Variants in CLVS1 observed in about 807,000 individuals in gnomAD.
CLVS1 encodes the protein clavesin 1.
A neutral mutation model predicts 33.1 loss-of-function variants in CLVS1; 10 were observed. That is an observed-to-expected ratio of 0.30 (90% CI 0.19 to 0.51). The LOEUF (loss-of-function observed/expected upper bound fraction) is 0.51. CLVS1 is among the 20% of genes least tolerant of loss of function. The pLI is 0.97. For synonymous variants in CLVS1, 163 were observed against 166.1 expected (o/e 0.98, Z 0.14); for missense variants, 343 against 433.4 (o/e 0.79, Z 1.85).
chr8:61,052,236 C>T (rs958496167), upstream of CLVS1, among the ~76,000 whole-genome samples: 6 of 152,130 alleles, frequency 3.9e-5, no homozygotes, highest in Admixed American at 3.3e-4. Flanking sequence ...CCTGTGGCAC[C>T]CAGTGCTGGG....
chr8:60,974,627 G>A, the CLVS1 span, among the ~76,000 whole-genome samples: 1 of 152,102 alleles, frequency 6.6e-6, no homozygotes, highest in Non-Finnish European at 1.5e-5. Flanking sequence ...GTCAGCTTAA[G>A]TGTCATTGGC....
chr8:61,141,320 AG>A (rs1806304706), intron 2 of CLVS1, among the ~76,000 whole-genome samples: 2 of 152,070 alleles, frequency 1.3e-5, no homozygotes, highest in Non-Finnish European at 2.9e-5. Flanking sequence ...TTATAACCTC[AG>A]TTGTATACAA....
intron 2 of CLVS1, among the ~76,000 whole-genome samples, chr8:61,197,758 G>C (rs1354067205): frequency 1.3e-5 from 2 of 152,188 alleles, no homozygotes; most frequent in Non-Finnish European, 2.9e-5. Context: ...GACCTCAAGT[G>C]ATCCACCTAC....
intron 3 of CLVS1, among the ~76,000 whole-genome samples, chr8:61,383,917 C>T (rs796970727): frequency 1.8e-4 from 28 of 152,312 alleles, no homozygotes; most frequent in African/African-American, 6.7e-4. Context: ...TCAGGAAGGT[C>T]ATAGTTCAAA....
chr8:60,974,049 T>C, the CLVS1 span, among the ~76,000 whole-genome samples: 1 of 152,268 alleles, frequency 6.6e-6, no homozygotes, highest in African/African-American at 2.4e-5. Flanking sequence ...ATTGTGTTGG[T>C]TCCTGTTCTC....
At chr8:61,275,662 C>T (rs1809548972) in intron 2 of CLVS1, among the ~76,000 whole-genome samples, 1 of 152,124 alleles carries the variant, frequency 6.6e-6, no homozygotes, top group South Asian at 2.1e-4. Context: ...AGTTCAATCC[C>T]CCCACAGGCT....
intron 5 of CLVS1, among the ~76,000 whole-genome samples, chr8:61,485,705 C>G (rs992759816): frequency 2.6e-5 from 4 of 152,162 alleles, no homozygotes; most frequent in African/African-American, 7.2e-5. Flanking sequence ...CAAATGTCCA[C>G]CAATGATAGA....
the CLVS1 span, chr8:60,967,667 C>T: frequency 4.4e-6 from 2 of 455,970 alleles, no homozygotes; most frequent in Non-Finnish European, 8.8e-6. Context: ...TTTGTACAGA[C>T]GTTTTCAGGC....
intron 2 of CLVS1, among the ~76,000 whole-genome samples, chr8:61,224,631 G>T (rs529495908): frequency 6.6e-6 from 1 of 152,280 alleles, no homozygotes; most frequent in Non-Finnish European, 1.5e-5. Context: ...AACCCCTGTT[G>T]GGGGGTCTCA....
At chr8:61,435,298 A>AT (rs553414284) in intron 3 of CLVS1, among the ~76,000 whole-genome samples, 8 of 151,278 alleles carry the variant, frequency 5.3e-5, no homozygotes, top group South Asian at 2.1e-4. Context: ...CTCAGGAGCT[A>AT]TTTTTTTTTA....
At chr8:61,244,078 C>A (rs1274827101) in intron 2 of CLVS1, among the ~76,000 whole-genome samples, 1 of 152,102 alleles carries the variant, frequency 6.6e-6, no homozygotes, top group African/African-American at 2.4e-5. Context: ...TCACCCAGGG[C>A]AAACATCCCA....
chr8:61,073,839 C>T (rs1402818966), intron 1 of CLVS1, among the ~76,000 whole-genome samples: 1 of 150,828 alleles, frequency 6.6e-6, no homozygotes, highest in Non-Finnish European at 1.5e-5. Flanking sequence ...GGTGAAACCC[C>T]GTCTCTACTA....
chr8:61,035,686 G>A, the CLVS1 span, among the ~76,000 whole-genome samples: 1 of 152,132 alleles, frequency 6.6e-6, no homozygotes, highest in Non-Finnish European at 1.5e-5. Flanking sequence ...GGCACAGGAA[G>A]TCTTCTTCAG....
chr8:61,187,229 C>G (rs936820941), intron 2 of CLVS1, among the ~76,000 whole-genome samples: 2 of 151,986 alleles, frequency 1.3e-5, no homozygotes, highest in Non-Finnish European at 2.9e-5. Flanking sequence ...ATTAATTATA[C>G]AGGCAGACAA....
chr8:61,273,697 G>C (rs1335384372), intron 2 of CLVS1, among the ~76,000 whole-genome samples: 3 of 152,210 alleles, frequency 2.0e-5, no homozygotes, highest in Non-Finnish European at 4.4e-5. Context: ...CTCGTGGTGC[G>C]CCGTGTTTTA....
intron 1 of CLVS1, among the ~76,000 whole-genome samples, chr8:61,074,464 A>G (rs71513469): frequency 9.6e-6 from 1 of 104,616 alleles, no homozygotes; most frequent in Non-Finnish European, 1.7e-5. Context: ...GTGTATATAT[A>G]TGTTATATAT....
intron 2 of CLVS1, among the ~76,000 whole-genome samples, chr8:61,263,803 A>G (rs1039638381): frequency 3.3e-5 from 5 of 152,204 alleles, no homozygotes; most frequent in Non-Finnish European, 5.9e-5. Context: ...ATTAAGGGTT[A>G]TCATTGCCAG....
intron 2 of CLVS1, among the ~76,000 whole-genome samples, chr8:61,192,377 A>G (rs1357419991): frequency 6.6e-6 from 1 of 152,240 alleles, no homozygotes; most frequent in Non-Finnish European, 1.5e-5. Context: ...AAATTAATTC[A>G]GGATGAATTA....
At chr8:61,295,668 G>A (rs1430696011) in intron 1 of CLVS1, among the ~76,000 whole-genome samples, 1 of 152,108 alleles carries the variant, frequency 6.6e-6, no homozygotes, top group Non-Finnish European at 1.5e-5. Context: ...CTACACATAA[G>A]AGACAGGGCA....
Sources: gnomAD v4.1 joint callset for allele counts (sites outside exome capture counted in the v4.1 genomes callset) on GRCh38, gnomAD v4.1.1 for gene constraint, MANE v1.5 for transcripts, NCBI Gene and HGNC (gene_info 2026-07-23, HGNC 2026-07-21) for gene names.